The following LRFN5 variants were observed in gnomAD, a reference collection of about 807,000 sequenced individuals.
LRFN5 encodes leucine rich repeat and fibronectin type III domain containing 5.
In LRFN5, 24 loss-of-function variants were observed where a neutral mutation model predicts 45.6. That is an observed-to-expected ratio of 0.53 (90% CI 0.38 to 0.74). The LOEUF (loss-of-function observed/expected upper bound fraction) is 0.74, where lower values mean the gene tolerates loss of function less well. Ranked by LOEUF, LRFN5 falls within the 30% of genes least tolerant of loss-of-function variation. The pLI, the probability that LRFN5 is intolerant of heterozygous loss-of-function variation, is 0.00. For missense variants in LRFN5, 776 were observed against 861.5 expected (o/e 0.90, Z 1.24); for synonymous variants, 340 against 313.8 (o/e 1.08, Z -0.88).
chr14:41,732,474 G>A (rs1192845110), intron 1 of LRFN5, among the ~76,000 whole-genome samples: 2 of 152,034 alleles, frequency 1.3e-5, no homozygotes, highest in Non-Finnish European at 2.9e-5. Flanking sequence ...GGTAAATTAA[G>A]AAGTAACCAC....
chr14:41,732,552 A>G (rs140735329), intron 1 of LRFN5, among the ~76,000 whole-genome samples: 1 of 152,294 alleles, frequency 6.6e-6, no homozygotes, highest in East Asian at 1.9e-4. Context: ...TTTCAGGCGA[A>G]CTCTGCAACA....
chr14:41,754,348 C>T (rs1197474163), intron 1 of LRFN5, among the ~76,000 whole-genome samples: 2 of 152,110 alleles, frequency 1.3e-5, no homozygotes, highest in Non-Finnish European at 2.9e-5. Flanking sequence ...GGTACCAGCT[C>T]CTCCTTGTAC....
intron 2 of LRFN5, among the ~76,000 whole-genome samples, chr14:41,874,183 A>G (rs1177084486): frequency 3.9e-5 from 6 of 152,158 alleles, no homozygotes; most frequent in Admixed American, 3.3e-4. Context: ...GGCAATGTTC[A>G]ATGTGTGAGT....
rs1303186919 is a variant in LRFN5 at position 41,659,284 on chromosome 14, G to T, written c.-197+50722G>T. On this transcript the variant is annotated intron_variant, in intron 1 of 5. Coordinates refer to ENST00000298119, the MANE Select transcript of LRFN5 (RefSeq NM_152447.5). ...TTCTCATTGTTCAACTCCCACTAAT[G>T]ATTGAGAACATGTGGTGTTTGGTTT... is the stretch of plus-strand genomic sequence containing the variant. 4.6e-5 allele frequency among the ~76,000 whole-genome samples: 7 copies of T among 152,024 alleles called. No homozygotes were observed. The South Asian group carries it at 1.5e-3, about 32-fold the overall frequency.
intron 1 of LRFN5, among the ~76,000 whole-genome samples, chr14:41,759,160 A>G (rs1885539999): frequency 6.6e-6 from 1 of 152,014 alleles, no homozygotes. Context: ...CTGTCATTGT[A>G]ATGTGTTTTT....
intron 4 of LRFN5, chr14:41,892,407 C>T: frequency 1.0e-6 from 1 of 984,958 alleles, no homozygotes; most frequent in Non-Finnish European, 1.2e-6. Flanking sequence ...GTGCCTTTCC[C>T]TATTCTAGGA....
At chr14:41,808,349 TGAAGGAAGGAAG>T (rs58070386) in intron 2 of LRFN5, among the ~76,000 whole-genome samples, 1,470 of 43,454 alleles carry the variant, frequency 0.034, 18 homozygotes, top group Middle Eastern at 0.065. Context: ...AAGGGAGGGA[TGAAGGAAGGAAG>T]GAAGGAAGGA....
chr14:41,673,718 G>T (rs1326382092), intron 1 of LRFN5, among the ~76,000 whole-genome samples: 1 of 141,718 alleles, frequency 7.1e-6, no homozygotes, highest in East Asian at 2.2e-4. Context: ...GCCGGGCAGA[G>T]GGGCTCCTCA....
At chr14:41,802,922 A>G (rs1887389090) in intron 2 of LRFN5, among the ~76,000 whole-genome samples, 1 of 152,128 alleles carries the variant, frequency 6.6e-6, no homozygotes, top group Non-Finnish European at 1.5e-5. Context: ...AAATTGTAAG[A>G]CCTTTTATTC....
intron 1 of LRFN5, among the ~76,000 whole-genome samples, chr14:41,724,111 A>G (rs1883834968): frequency 6.6e-6 from 1 of 152,118 alleles, no homozygotes; most frequent in Non-Finnish European, 1.5e-5. Flanking sequence ...ACTCACTTTT[A>G]TCAGCCAAAT....
At chr14:41,628,938 G>C (rs915700460) in intron 1 of LRFN5, among the ~76,000 whole-genome samples, 3 of 151,976 alleles carry the variant, frequency 2.0e-5, no homozygotes, top group African/African-American at 7.3e-5. Context: ...TGTTTATGTC[G>C]AATCTACCTT....
chr14:41,708,251 G>A (rs1284726725), intron 1 of LRFN5, among the ~76,000 whole-genome samples: 1 of 151,824 alleles, frequency 6.6e-6, no homozygotes, highest in Non-Finnish European at 1.5e-5. Context: ...TTAAAATACA[G>A]TATAATAAAT....
At chr14:41,685,093 C>T (rs1882062353) in intron 1 of LRFN5, among the ~76,000 whole-genome samples, 2 of 152,104 alleles carry the variant, frequency 1.3e-5, no homozygotes, top group Non-Finnish European at 2.9e-5. Flanking sequence ...ATCAGAACTA[C>T]AATGAGATAC....
At chr14:41,720,877 C>T (rs1883685939) in intron 1 of LRFN5, among the ~76,000 whole-genome samples, 1 of 151,754 alleles carries the variant, frequency 6.6e-6, no homozygotes, top group African/African-American at 2.4e-5. Context: ...AGTGGAGTGT[C>T]CTATAGATGT....
intron 1 of LRFN5, among the ~76,000 whole-genome samples, chr14:41,750,124 G>T (rs911219161): frequency 6.6e-6 from 1 of 151,664 alleles, no homozygotes; most frequent in African/African-American, 2.4e-5. Flanking sequence ...GAAAAATTGT[G>T]TGTAAGTAAT....
At chr14:41,733,137 A>G (rs1041128918) in intron 1 of LRFN5, among the ~76,000 whole-genome samples, 1 of 152,124 alleles carries the variant, frequency 6.6e-6, no homozygotes, top group Admixed American at 6.6e-5. Flanking sequence ...GAAGAGAGTT[A>G]GAAAGGAGCA....
intron 1 of LRFN5, among the ~76,000 whole-genome samples, chr14:41,673,581 C>A (rs1336281459): frequency 6.7e-6 from 1 of 148,680 alleles, no homozygotes; most frequent in African/African-American, 2.5e-5. Flanking sequence ...GGTGACCCCC[C>A]CCACCTCACT....
intron 1 of LRFN5, among the ~76,000 whole-genome samples, chr14:41,621,091 C>G (rs1888119946): frequency 6.6e-6 from 1 of 151,914 alleles, no homozygotes; most frequent in Non-Finnish European, 1.5e-5. Context: ...TGTGTATATA[C>G]TTTTAGTGAT....
intron 2 of LRFN5, among the ~76,000 whole-genome samples, chr14:41,835,407 C>T (rs1430359249): frequency 1.3e-5 from 2 of 152,184 alleles, no homozygotes; most frequent in Non-Finnish European, 2.9e-5. Context: ...TTGGTCTGAA[C>T]AATTTGAGCA....
Sources: gnomAD v4.1 joint callset for allele counts (sites outside exome capture counted in the v4.1 genomes callset) on GRCh38, gnomAD v4.1.1 for gene constraint, MANE v1.5 for transcripts, NCBI Gene and HGNC (gene_info 2026-07-23, HGNC 2026-07-21) for gene names.